The following RAB9B variants were observed in gnomAD, a reference collection of about 807,000 sequenced individuals.
RAB9B encodes the protein ras-related protein Rab-9B.
A neutral mutation model predicts 8.9 loss-of-function variants in RAB9B; 1 was observed. The ratio of observed to expected loss-of-function variants is 0.11; its 90% CI spans 0.04 to 0.53. The LOEUF (loss-of-function observed/expected upper bound fraction) is 0.53, where lower values mean the gene tolerates loss of function less well. Ranked by LOEUF, RAB9B falls within the 20% of genes least tolerant of loss-of-function variation. The pLI, the probability that RAB9B is intolerant of heterozygous loss-of-function variation, is 0.93. For missense variants in RAB9B, 82 were observed against 152.9 expected (o/e 0.54, Z 2.45); for synonymous variants, 63 against 57.0 (o/e 1.10, Z -0.47).
the RAB9B span, among the ~76,000 whole-genome samples, chrX:103,798,018 C>T: frequency 9.0e-6 from 1 of 110,670 alleles, no homozygotes; most frequent in Non-Finnish European, 1.9e-5. Context: ...CACCCGGGAG[C>T]TAGTTAGAAA....
chrX:103,798,155 A>C, the RAB9B span, among the ~76,000 whole-genome samples: 3 of 112,332 alleles, frequency 2.7e-5, no homozygotes, highest in Non-Finnish European at 5.6e-5. Flanking sequence ...AAATGTACTG[A>C]AATATATATT....
At chrX:103,813,394 C>A in the RAB9B span, among the ~76,000 whole-genome samples, 52 of 110,359 alleles carry the variant, frequency 4.7e-4, 1 homozygote, top group South Asian at 0.019. Context: ...TTTAAAGAGA[C>A]CTTTTTGCAT....
At chrX:103,776,941 C>T in the RAB9B span, 1 of 1,163,124 alleles carries the variant, frequency 8.6e-7, no homozygotes, top group Admixed American at 2.2e-5. Flanking sequence ...TGAACAAAGT[C>T]AGCCACAAAG....
At chrX:103,787,496 C>G in the RAB9B span, 1 of 381,677 alleles carries the variant, frequency 2.6e-6, no homozygotes, top group Non-Finnish European at 4.6e-6. Context: ...CTTTCAAGAT[C>G]TGTTTTGATT....
In RAB9B at chrX:103,823,055, G is replaced by C. The variant is rs2074668547; in HGVS notation, c.*2124C>G. ...CTCTAATAGAGACAAATACTTTTGT[G>C]AGTTGATAGAGGTCTTTATGATGAA... is the stretch of plus-strand genomic sequence containing the variant. On this transcript the variant is annotated 3_prime_UTR_variant, in exon 3 of 3. Transcript: ENST00000243298. 9.0e-6 allele frequency: 1 copy of C among 110,591 alleles called. No homozygotes were observed. The highest frequency in any genetic ancestry group is 1.9e-5 in the Non-Finnish European group (1 of 52,896). 9.1% of individuals were successfully genotyped at this position (110,591 alleles called of 1,213,427 possible).
chrX:103,791,384 C>T, the RAB9B span: 1 of 112,227 alleles, frequency 8.9e-6, no homozygotes, highest in Non-Finnish European at 1.9e-5. Flanking sequence ...CATGACAACC[C>T]TGTGGTTTCC....
the RAB9B span, among the ~76,000 whole-genome samples, chrX:103,784,596 C>G: frequency 7.1e-5 from 8 of 112,035 alleles, no homozygotes; most frequent in Non-Finnish European, 1.3e-4. Flanking sequence ...ACACACGATG[C>G]TCAAAAATGT....
At chrX:103,786,149 C>T in the RAB9B span, 1 of 1,104,612 alleles carries the variant, frequency 9.1e-7, no homozygotes, top group Admixed American at 2.7e-5. Flanking sequence ...CACCTTTCTT[C>T]TTGTCTAGCT....
At chrX:103,831,766 G>A (rs1049475779) in intron 1 of RAB9B, among the ~76,000 whole-genome samples, 3 of 109,736 alleles carry the variant, frequency 2.7e-5, no homozygotes, top group Non-Finnish European at 5.7e-5. Flanking sequence ...CCAGCTCTTA[G>A]AGCTAGTCGG....
At chrX:103,818,400 C>A (rs904165665), downstream of RAB9B, among the ~76,000 whole-genome samples, 4 of 111,000 alleles carry the variant, frequency 3.6e-5, no homozygotes, top group Non-Finnish European at 7.6e-5. Flanking sequence ...GCCAATTTGC[C>A]AGTATATATT....
the RAB9B span, among the ~76,000 whole-genome samples, chrX:103,783,960 C>T: frequency 8.9e-6 from 1 of 111,837 alleles, no homozygotes; most frequent in African/African-American, 3.2e-5. Context: ...TATATATATA[C>T]ATACATATGA....
the RAB9B span, chrX:103,788,859 A>C: frequency 6.8e-6 from 2 of 295,878 alleles, no homozygotes; most frequent in Non-Finnish European, 1.2e-5. Context: ...GCACAGAGGC[A>C]TTCATAGGTT....
chrX:103,813,831 A>G, the RAB9B span, among the ~76,000 whole-genome samples: 1 of 108,229 alleles, frequency 9.2e-6, no homozygotes, highest in Non-Finnish European at 1.9e-5. Flanking sequence ...AGATCAAAAG[A>G]GACAAATAAG....
chrX:103,820,386 C>T (rs372251613), downstream of RAB9B, among the ~76,000 whole-genome samples: 15 of 111,796 alleles, frequency 1.3e-4, no homozygotes, highest in East Asian at 4.2e-3. Context: ...TTGGGTAATT[C>T]AAATGAAAGT....
At chrX:103,818,244 A>C (rs2074647184), downstream of RAB9B, among the ~76,000 whole-genome samples, 1 of 111,580 alleles carries the variant, frequency 9.0e-6, no homozygotes, top group African/African-American at 3.3e-5. Context: ...ATAAATGTAA[A>C]TGACAGCATG....
At chrX:103,785,876 C>T in the RAB9B span, 2 of 794,614 alleles carry the variant, frequency 2.5e-6, no homozygotes, top group Non-Finnish European at 3.8e-6. Flanking sequence ...TGGGGTGGAG[C>T]CAGACCGGAT....
chrX:103,788,646 T>C, the RAB9B span: 27 of 582,452 alleles, frequency 4.6e-5, no homozygotes, highest in South Asian at 5.8e-4. Flanking sequence ...TACAACATGT[T>C]GGCTAAGTGT....
the RAB9B span, chrX:103,786,255 G>A: frequency 8.8e-7 from 1 of 1,129,976 alleles, no homozygotes; most frequent in African/African-American, 1.8e-5. Context: ...TGGCGGGAGG[G>A]GCATATGTTT....
chrX:103,788,128 G>T, the RAB9B span, among the ~76,000 whole-genome samples: 11 of 112,026 alleles, frequency 9.8e-5, no homozygotes, highest in African/African-American at 3.2e-4. Flanking sequence ...AACCAGAGAG[G>T]TTTCTTCCCC....
Sources: gnomAD v4.1 joint callset for allele counts (sites outside exome capture counted in the v4.1 genomes callset) on GRCh38, gnomAD v4.1.1 for gene constraint, MANE v1.5 for transcripts, NCBI Gene and HGNC (gene_info 2026-07-23, HGNC 2026-07-21) for gene names.